Variants in PDE3B observed in about 807,000 individuals in gnomAD.
The protein encoded by PDE3B is phosphodiesterase 3B.
PDE3B carries 66 observed loss-of-function variants against 116.8 expected under a neutral mutation model. The ratio of observed to expected loss-of-function variants is 0.56; its 90% CI spans 0.46 to 0.69. The LOEUF is 0.69. Ranked by LOEUF, PDE3B falls within the 30% of genes least tolerant of loss-of-function variation. PDE3B has a pLI of 0.00. For synonymous variants in PDE3B, 595 were observed against 533.6 expected (o/e 1.12, Z -1.59); for missense variants, 1,384 against 1,368.1 (o/e 1.01, Z -0.18).
At position 14,797,827 on chromosome 11, in the gene PDE3B, G is replaced by A. The variant is rs566840925; in HGVS notation, c.1416-6117G>A. ...TTGCTTATCAGCTTAAGGAGATTTG[G>A]GGCTGAGACAATGGGGTTTTATAAA... On this transcript the variant is annotated intron_variant, in intron 4 of 15. Coordinates refer to ENST00000282096, the MANE Select transcript of PDE3B (RefSeq NM_000922.4). Among the ~76,000 whole-genome samples the A allele has an allele frequency of 1.6e-3, 242 of 152,168 alleles. 3 individuals carry two copies. The highest frequency in any genetic ancestry group is 5.5e-3 in the African/African-American group (228 of 41,512).
intron 1 of PDE3B, among the ~76,000 whole-genome samples, chr11:14,647,263 C>T (rs904665848): frequency 2.6e-5 from 4 of 151,920 alleles, no homozygotes; most frequent in African/African-American, 9.7e-5. Context: ...TTAGATGGGA[C>T]CTGACATAGG....
chr11:14,728,932 A>G (rs754608814), intron 1 of PDE3B, among the ~76,000 whole-genome samples: 21 of 152,136 alleles, frequency 1.4e-4, no homozygotes, highest in Non-Finnish European at 2.5e-4. Flanking sequence ...AGTCATTTGT[A>G]TTATTTGAAA....
At chr11:14,856,131 A>C (rs544672943) in intron 12 of PDE3B, among the ~76,000 whole-genome samples, 3 of 152,162 alleles carry the variant, frequency 2.0e-5, no homozygotes, top group African/African-American at 7.2e-5. Flanking sequence ...GGGAGTTGTC[A>C]TGAGATCTGA....
chr11:14,739,020 T>C (rs1856685045), intron 1 of PDE3B, among the ~76,000 whole-genome samples: 1 of 152,238 alleles, frequency 6.6e-6, no homozygotes, highest in Admixed American at 6.5e-5. Flanking sequence ...TAATATAGTT[T>C]GAAGTCAGGT....
Position 14,815,938 on chromosome 11 carries a change from TACACAC to T in PDE3B, c.1523-2218_1523-2213del, listed in dbSNP as rs35596025. ...CAAAAGATAAAGAACATTATATTTA[TACACAC>T]ACACACACACACACACACACACACA... On this transcript the variant is annotated intron_variant, in intron 5 of 15. Transcript: ENST00000282096. 4.2e-3 allele frequency among the ~76,000 whole-genome samples: 610 copies of T among 146,226 alleles called. 2 individuals carry two copies. The highest frequency in any genetic ancestry group is 0.03 in the East Asian group (147 of 4,922).
Position 14,644,348 on chromosome 11 carries a change from C to T in PDE3B, c.273C>T (p.Ala91=). 1 of 1,589,868 alleles carries T rather than the reference C, an allele frequency of 6.3e-7. No individual in the cohort carries two copies. The highest frequency in any genetic ancestry group is 8.5e-7 in the Non-Finnish European group (1 of 1,171,158). The change falls in exon 1 of 16, where the codon GCC becomes GCT. Residue 91 remains alanine, a synonymous_variant. Coordinates refer to ENST00000282096, the MANE Select transcript of PDE3B (RefSeq NM_000922.4). ...GCGCCCTGGCTGCCTTTGTCCTCGC[C>T]CTGCTGCTGGGCGCGGAACCCGAGA... The part of the protein sequence containing the change: ...SLGALAAFVL[A]LLLGAEPESW...
At chr11:14,816,531 T>C (rs771711194) in intron 5 of PDE3B, among the ~76,000 whole-genome samples, 8 of 152,260 alleles carry the variant, frequency 5.3e-5, no homozygotes, top group Admixed American at 2.0e-4. Flanking sequence ...GACAGAATTA[T>C]AGACTCATCT....
chr11:14,864,131 G>A lies in PDE3B; in HGVS notation c.2886+2765G>A, dbSNP rs1346045399. Among the ~76,000 whole-genome samples the A allele has an allele frequency of 7.3e-5, 11 of 151,298 alleles. No individual in the cohort carries two copies. The East Asian group carries it at 1.2e-3, about 16-fold the overall frequency. On this transcript the variant is annotated intron_variant, in intron 14 of 15. Coordinates refer to ENST00000282096, the MANE Select transcript of PDE3B (RefSeq NM_000922.4). ...AAGATTTACCCAGCAAATGGAAAGC[G>A]AAAAAAAAGCAGGGGTTGCAATCCT...
At chr11:14,826,268 TCAGAG>T (rs112356874) in intron 7 of PDE3B, among the ~76,000 whole-genome samples, 21,305 of 151,818 alleles carry the variant, frequency 0.14, 2,137 homozygotes, top group African/African-American at 0.29. Flanking sequence ...ATAGCCAAAA[TCAGAG>T]CTGAACTGAA....
chr11:14,843,905 G>T lies in PDE3B; in HGVS notation c.2399G>T (p.Gly800Val). Residue 800 changes from glycine (G) to valine (V), a missense_variant, in exon 12 of 16, where the codon GGC (glycine) becomes GTC (valine). This residue lies in a region of PDE3B where 428 missense variants were observed against 561.4 expected (regional missense o/e 0.76). Coordinates refer to ENST00000282096, the MANE Select transcript of PDE3B (RefSeq NM_000922.4). ...TGCTCTAATCCTGATGAGAGTTATG[G>T]CTGCCTGTCTTCAAACATTCCTGCA... ...KSCSNPDESYGCLSSNIPALE... is the reference protein window; with the variant it reads ...KSCSNPDESYVCLSSNIPALE... 1 of 1,614,056 alleles carries T rather than the reference G, an allele frequency of 6.2e-7. No individual in the cohort carries two copies. The highest frequency in any genetic ancestry group is 1.7e-5 in the Admixed American group (1 of 60,020).
intron 1 of PDE3B, among the ~76,000 whole-genome samples, chr11:14,739,038 T>C (rs1565116128): frequency 6.6e-6 from 1 of 152,240 alleles, no homozygotes; most frequent in East Asian, 1.9e-4. Flanking sequence ...GGTAGTGTGA[T>C]GCCTCCAGCT....
At chr11:14,892,153 A>ATTCCT in the PDE3B span, 1 of 1,610,920 alleles carries the variant, frequency 6.2e-7, no homozygotes, top group South Asian at 1.1e-5. Flanking sequence ...CAGCAGGAAG[A>ATTCCT]GCGCGCCGCC....
intron 2 of PDE3B, chr11:14,775,215 A>G (rs1204704933): frequency 1.3e-5 from 2 of 152,198 alleles, no homozygotes; most frequent in Non-Finnish European, 2.9e-5. Context: ...TTTGGTCCCA[A>G]CATGTCTTTC....
rs1016778061 is a variant in PDE3B, at chr11:14,692,466, C to T, written c.978+47413C>T. Among the ~76,000 whole-genome samples, 6 of 152,048 alleles carry T rather than the reference C, an allele frequency of 3.9e-5. No homozygotes were observed. The South Asian group carries it at 6.2e-4, about 16-fold the overall frequency. On this transcript the variant is annotated intron_variant, in intron 1 of 15. Coordinates refer to ENST00000282096, the MANE Select transcript of PDE3B (RefSeq NM_000922.4). ...TTCACAAATTGGAGGTTTGTGGCAGCGCTGTGTTGAGCAAGTCTGTTGGCA... is the reference window on the plus strand; with the variant it reads ...TTCACAAATTGGAGGTTTGTGGCAGTGCTGTGTTGAGCAAGTCTGTTGGCA...
intron 1 of PDE3B, among the ~76,000 whole-genome samples, chr11:14,648,169 A>G (rs1370873516): frequency 2.0e-5 from 3 of 152,090 alleles, no homozygotes; most frequent in Non-Finnish European, 4.4e-5. Context: ...TGCAATTTTC[A>G]GCTTTTCAAT....
chr11:14,839,813 G>C (rs1373316703), intron 11 of PDE3B, among the ~76,000 whole-genome samples: 2 of 152,170 alleles, frequency 1.3e-5, no homozygotes, highest in Non-Finnish European at 2.9e-5. Flanking sequence ...TGAGCAAGAA[G>C]TAACAGATAT....
chr11:14,885,665 TTTC>T, the PDE3B span: 1 of 1,165,830 alleles, frequency 8.6e-7, no homozygotes, highest in Non-Finnish European at 1.2e-6. Context: ...AAATAAATAG[TTTC>T]TTATTAATCA....
At chr11:14,812,592 T>C (rs1200901666) in intron 5 of PDE3B, among the ~76,000 whole-genome samples, 1 of 152,034 alleles carries the variant, frequency 6.6e-6, no homozygotes, top group Non-Finnish European at 1.5e-5. Flanking sequence ...GAAGAAAACA[T>C]GACACTGATA....
chr11:14,725,561 C>CTCT (rs1323289347), intron 1 of PDE3B, among the ~76,000 whole-genome samples: 1 of 86,252 alleles, frequency 1.2e-5, no homozygotes, highest in Non-Finnish European at 2.4e-5. Context: ...CTCCTCCTGC[C>CTCT]TATTCTCTCC....
Sources: gnomAD v4.1 joint callset for allele counts (sites outside exome capture counted in the v4.1 genomes callset) on GRCh38, gnomAD v4.1.1 for gene constraint, gnomAD v4.1.1 regional missense constraint, MANE v1.5 for transcripts, NCBI Gene and HGNC (gene_info 2026-07-23, HGNC 2026-07-21) for gene names.